ANKRD42: variants seen among roughly 807,000 people sequenced by gnomAD.
The protein encoded by ANKRD42 is ankyrin repeat domain 42, also known as ankyrin repeat domain-containing protein 42.
ANKRD42 carries 43 observed loss-of-function variants against 51.5 expected under a neutral mutation model. That is an observed-to-expected ratio of 0.83 (90% CI 0.65 to 1.08). The LOEUF is 1.08. Ranked by LOEUF, ANKRD42 falls within the 50% of genes least tolerant of loss-of-function variation. The probability of loss-of-function intolerance (pLI) is 0.00; values close to 1 mark genes in which losing one functional copy is unlikely to be tolerated. For synonymous variants in ANKRD42, 203 were observed against 213.0 expected (o/e 0.95, Z 0.41); for missense variants, 608 against 629.3 (o/e 0.97, Z 0.36).
At chr11:83,199,149 A>G (rs932298426) in intron 2 of ANKRD42, among the ~76,000 whole-genome samples, 3 of 152,188 alleles carry the variant, frequency 2.0e-5, no homozygotes, top group African/African-American at 7.2e-5. Context: ...ATGAATATGT[A>G]TTCTAACATT....
chr11:83,197,660 C>T (rs759637747), intron 1 of ANKRD42, among the ~76,000 whole-genome samples: 57 of 152,120 alleles, frequency 3.7e-4, no homozygotes, highest in Non-Finnish European at 6.5e-4. Flanking sequence ...ACTGCTTACT[C>T]CTTCATTCTT....
rs1199164555 is a variant in ANKRD42, at chr11:83,193,985, C to T, written c.-686C>T. Reference sequence around the variant, plus strand: ...AGCGACCGCCGCTCCAGGGTCGCTGCAGGAAGCCTAAGTGCAGACGCCGGC... The same window carrying T: ...AGCGACCGCCGCTCCAGGGTCGCTGTAGGAAGCCTAAGTGCAGACGCCGGC... On this transcript the variant is annotated 5_prime_UTR_variant, in exon 1 of 11. Coordinates refer to ENST00000533342, the MANE Select transcript of ANKRD42 (RefSeq NM_001300975.2). 1 of 456,490 alleles carries T rather than the reference C, an allele frequency of 2.2e-6. No homozygotes were observed. Among genetic ancestry groups the T allele is most frequent in the Non-Finnish European group, 4.4e-6 (1 of 226,780 alleles). 28.3% of individuals were successfully genotyped at this position (456,490 alleles called of 1,614,324 possible).
chr11:83,228,257 T>C (rs1295673732), intron 7 of ANKRD42, among the ~76,000 whole-genome samples: 4 of 132,050 alleles, frequency 3.0e-5, no homozygotes, highest in Non-Finnish European at 4.9e-5. Flanking sequence ...TTTTTTTTTT[T>C]TTTTTTTTTT....
chr11:83,228,223 C>CTT, intron 7 of ANKRD42, among the ~76,000 whole-genome samples: 2 of 50,276 alleles, frequency 4.0e-5, no homozygotes, highest in East Asian at 4.0e-4. Context: ...AATCATCCCT[C>CTT]TCTCTCTCTT....
chr11:83,237,139 G>A (rs1005214327), intron 8 of ANKRD42, among the ~76,000 whole-genome samples: 1 of 152,060 alleles, frequency 6.6e-6, no homozygotes, highest in African/African-American at 2.4e-5. Context: ...AAATACAAAG[G>A]GGAGAAAACA....
At chr11:83,243,970 T>A (rs1393067848) in intron 9 of ANKRD42, among the ~76,000 whole-genome samples, 4 of 50,060 alleles carry the variant, frequency 8.0e-5, no homozygotes, top group Non-Finnish European at 1.4e-4. Context: ...GGCTGCCCTT[T>A]TTTTTTTTTT....
At chr11:83,207,459 T>G (rs1323992510) in intron 3 of ANKRD42, among the ~76,000 whole-genome samples, 1 of 152,132 alleles carries the variant, frequency 6.6e-6, no homozygotes, top group African/African-American at 2.4e-5. Context: ...AATTGTGTAA[T>G]TTAGGAGGAG....
intron 5 of ANKRD42, among the ~76,000 whole-genome samples, chr11:83,224,560 T>C (rs1388364696): frequency 6.6e-6 from 1 of 152,222 alleles, no homozygotes; most frequent in Admixed American, 6.5e-5. Flanking sequence ...GGGATAGTCA[T>C]CTCCCTATAA....
At chr11:83,239,035 A>G (rs964436283) in intron 8 of ANKRD42, among the ~76,000 whole-genome samples, 3 of 152,094 alleles carry the variant, frequency 2.0e-5, no homozygotes, top group African/African-American at 7.2e-5. Context: ...TCTGTCAGCA[A>G]TGGATGTCAA....
intron 1 of ANKRD42, among the ~76,000 whole-genome samples, chr11:83,198,023 C>G (rs1379743215): frequency 6.6e-6 from 1 of 152,180 alleles, no homozygotes; most frequent in Non-Finnish European, 1.5e-5. Context: ...AAGGTAAAAT[C>G]TATGAAAGTG....
downstream of ANKRD42, among the ~76,000 whole-genome samples, chr11:83,251,207 C>G (rs75990805): frequency 6.6e-6 from 1 of 152,234 alleles, no homozygotes; most frequent in Non-Finnish European, 1.5e-5. Context: ...TCTGTAAAAT[C>G]CCCTAGGAGC....
intron 5 of ANKRD42, among the ~76,000 whole-genome samples, chr11:83,216,052 C>G (rs1267716417): frequency 6.6e-6 from 1 of 152,214 alleles, no homozygotes; most frequent in Non-Finnish European, 1.5e-5. Flanking sequence ...ACCTCGGCCA[C>G]CCAAAGTGCT....
At chr11:83,252,233 A>G (rs1321992439), downstream of ANKRD42, among the ~76,000 whole-genome samples, 7 of 152,342 alleles carry the variant, frequency 4.6e-5, 1 homozygote, top group African/African-American at 1.4e-4. Flanking sequence ...CAGAATGGCA[A>G]AAATTGAAAC....
At position 83,240,883 on chromosome 11, in the gene ANKRD42, G is replaced by C. The variant is rs905074352; in HGVS notation, c.1144G>C (p.Asp382His). 1 of 1,614,064 alleles carries C rather than the reference G, an allele frequency of 6.2e-7. No individual in the cohort carries two copies. Among genetic ancestry groups the C allele is most frequent in the Non-Finnish European group, 8.5e-7 (1 of 1,179,936 alleles). ...AAGACATGGTGTTGAGGGAAGCACT[G>C]ATGCCAAGGATGATTTATGTCTGAG... is the stretch of plus-strand genomic sequence containing the variant. The part of the protein sequence containing the change: ...FIRHGVEGST[D>H]AKDDLCLSDL... The change falls in exon 9 of 11, where the codon GAT (aspartate) becomes CAT (histidine). Residue 382 changes from aspartate (D) to histidine (H), a missense_variant. Transcript: ENST00000533342.
intron 1 of ANKRD42, among the ~76,000 whole-genome samples, chr11:83,195,996 C>T (rs145060859): frequency 0.02 from 2,968 of 152,172 alleles, 97 homozygotes; most frequent in African/African-American, 0.064. Context: ...CAGGGGCCCA[C>T]CACCACACCC....
In ANKRD42 at chr11:83,194,568, G is replaced by C; in HGVS notation, c.-103G>C. On this transcript the variant is annotated 5_prime_UTR_variant, in exon 1 of 11. Transcript: ENST00000533342. ...CCCGTCCTAGTGACGACGGAGAAGA[G>C]GGCCGCTGCCGCTGCAGTGGCTCGT... The C allele has an allele frequency of 1.7e-6, 2 of 1,171,118 alleles. No homozygotes were observed. The highest frequency in any genetic ancestry group is 2.5e-6 in the Non-Finnish European group (2 of 790,724). The allele number at this position is 1,171,118 out of a possible 1,614,324, so 72.5% of individuals were successfully genotyped here.
chr11:83,250,541 A>G (rs1294001148), downstream of ANKRD42, among the ~76,000 whole-genome samples: 1 of 152,196 alleles, frequency 6.6e-6, no homozygotes, highest in African/African-American at 2.4e-5. Context: ...TCTCCACATT[A>G]TATTTTTCTA....
At chr11:83,262,195 A>G (rs1484175319), downstream of ANKRD42, among the ~76,000 whole-genome samples, 1 of 152,168 alleles carries the variant, frequency 6.6e-6, no homozygotes, top group Non-Finnish European at 1.5e-5. Context: ...AAATTATGTC[A>G]TTTAGAAACC....
downstream of ANKRD42, chr11:83,261,929 A>G (rs2135578970): frequency 6.2e-7 from 1 of 1,605,154 alleles, no homozygotes; most frequent in African/African-American, 1.3e-5. Flanking sequence ...AGAATCTATA[A>G]AATCCCAATG....
Sources: gnomAD v4.1 joint callset for allele counts (sites outside exome capture counted in the v4.1 genomes callset) on GRCh38, gnomAD v4.1.1 for gene constraint, MANE v1.5 for transcripts, NCBI Gene and HGNC (gene_info 2026-07-23, HGNC 2026-07-21) for gene names.